The following TXK variants were observed in gnomAD, a reference collection of about 807,000 sequenced individuals.
TXK encodes the protein TXK tyrosine kinase.
TXK carries 60 observed loss-of-function variants against 81.0 expected under a neutral mutation model. That is an observed-to-expected ratio of 0.74 (90% confidence interval 0.60 to 0.92). TXK has a LOEUF of 0.92. Among genes scored for constraint, TXK ranks in the 40% least tolerant of loss-of-function variants. TXK has a pLI of 0.00. For missense variants in TXK, 581 were observed against 638.3 expected (o/e 0.91, Z 0.97); for synonymous variants, 203 against 210.7 (o/e 0.96, Z 0.32).
chr4:48,094,077 C>CGGCT lies in TXK; in HGVS notation c.705_708dup (p.Gly237SerfsTer25). 6.2e-7 allele frequency: 1 copy of CGGCT among 1,613,258 alleles called. No individual in the cohort carries two copies. Among genetic ancestry groups the CGGCT allele is most frequent in the Non-Finnish European group, 8.5e-7 (1 of 1,180,024 alleles). On this transcript the variant is annotated frameshift_variant and splice_region_variant, in exon 8 of 15. Coordinates refer to ENST00000264316, the MANE Select transcript of TXK (RefSeq NM_003328.3). LOFTEE classifies it high-confidence loss of function. ...ACCCAGCTGGAAGTTCCCCTCTTAC[C>CGGCT]GGCTGCATTGTGCTGGTGATACCAG...
At chr4:48,094,299 A>C in intron 7 of TXK, 95 bp from the exon 8 acceptor site, 76 of 1,391,622 alleles carry the variant, frequency 5.5e-5, no homozygotes, top group Non-Finnish European at 6.8e-5. Context: ...TCTAAAACTC[A>C]TCCTAGCAAC....
intron 6 of TXK, among the ~76,000 whole-genome samples, chr4:48,100,235 G>A (rs997230659): frequency 1.5e-5 from 2 of 135,132 alleles, no homozygotes; most frequent in African/African-American, 5.5e-5. Context: ...AGAAACATGA[G>A]AATTTTAATA....
At chr4:48,080,683 C>CACACAT (rs1253896766) in intron 10 of TXK, among the ~76,000 whole-genome samples, 1 of 151,686 alleles carries the variant, frequency 6.6e-6, no homozygotes, top group Non-Finnish European at 1.5e-5. Context: ...CACACACACA[C>CACACAT]ACACACACAC....
intron 1 of TXK, among the ~76,000 whole-genome samples, chr4:48,121,398 C>A (rs2661534): frequency 6.6e-6 from 1 of 151,684 alleles, no homozygotes; most frequent in Admixed American, 6.6e-5. Context: ...ATCCTTGACT[C>A]CTCTCTCTCT....
intron 1 of TXK, among the ~76,000 whole-genome samples, chr4:48,133,596 T>C (rs894936215): frequency 2.0e-5 from 3 of 152,316 alleles, no homozygotes; most frequent in Middle Eastern, 3.4e-3. Flanking sequence ...GAAGTCTACA[T>C]AGAATTGTGA....
intron 1 of TXK, among the ~76,000 whole-genome samples, chr4:48,118,020 T>C (rs1718856542): frequency 6.6e-6 from 1 of 152,206 alleles, no homozygotes; most frequent in Admixed American, 6.5e-5. Flanking sequence ...TTCTAAGAAA[T>C]TCAACCACAT....
At chr4:48,071,731 T>C in intron 13 of TXK, 57 bp from the exon 14 acceptor site, 1 of 1,581,156 alleles carries the variant, frequency 6.3e-7, no homozygotes, top group Non-Finnish European at 8.6e-7. Context: ...GCTTGGGAAC[T>C]GAAAGAACAA....
chr4:48,118,832 C>G (rs1718878756), intron 1 of TXK, among the ~76,000 whole-genome samples: 1 of 152,088 alleles, frequency 6.6e-6, no homozygotes, highest in Non-Finnish European at 1.5e-5. Flanking sequence ...AATCCCATAC[C>G]CAACTCTGAA....
intron 6 of TXK, among the ~76,000 whole-genome samples, chr4:48,103,309 T>A (rs532399747): frequency 2.6e-5 from 4 of 152,318 alleles, no homozygotes; most frequent in African/African-American, 9.6e-5. Flanking sequence ...AAATTTTTTT[T>A]CTCCGTGTTG....
In TXK at chr4:48,071,575, T is replaced by TA; in HGVS notation, c.1456dup (p.Tyr486LeufsTer12). The TA allele has an allele frequency of 6.2e-7, 1 of 1,614,190 alleles. No homozygotes were observed. The highest frequency in any genetic ancestry group is 8.5e-7 in the Non-Finnish European group (1 of 1,180,022). On this transcript the variant is annotated frameshift_variant, in exon 14 of 15. Transcript: ENST00000264316. LOFTEE classifies it high-confidence loss of function. ...GGACATTGGTGCCAGGTGAGGGCGA[T>TA]ATAGCCTGAAGCCTTCAGAAATAGC...
intron 10 of TXK, among the ~76,000 whole-genome samples, chr4:48,082,686 AAAG>A (rs1232264920): frequency 5.3e-5 from 8 of 152,148 alleles, no homozygotes; most frequent in African/African-American, 1.9e-4. Context: ...TTGTGCCCCA[AAAG>A]TTGCTTTTTG....
intron 6 of TXK, among the ~76,000 whole-genome samples, chr4:48,100,299 A>G (rs2109446083): frequency 6.6e-6 from 1 of 152,292 alleles, no homozygotes; most frequent in South Asian, 2.1e-4. Flanking sequence ...AAATAATGCC[A>G]CATGTCACAA....
intron 6 of TXK, among the ~76,000 whole-genome samples, chr4:48,099,474 C>T (rs1718105120): frequency 6.6e-6 from 1 of 152,120 alleles, no homozygotes; most frequent in African/African-American, 2.4e-5. Flanking sequence ...GATCCCCAAA[C>T]CTCATTGATT....
At chr4:48,068,790 G>A (rs1409207307) in intron 14 of TXK, among the ~76,000 whole-genome samples, 4 of 152,140 alleles carry the variant, frequency 2.6e-5, no homozygotes, top group Non-Finnish European at 4.4e-5. Flanking sequence ...TGACAGTAGG[G>A]TCAGCGGAAA....
At chr4:48,094,011 C>T in intron 8 of TXK, 66 bp downstream of exon 8, 2 of 1,601,674 alleles carry the variant, frequency 1.2e-6, no homozygotes, top group South Asian at 2.2e-5. Flanking sequence ...GTGCCTGATA[C>T]CAAAGATGCA....
chr4:48,095,925 T>C (rs1717961690), intron 6 of TXK, among the ~76,000 whole-genome samples: 1 of 152,250 alleles, frequency 6.6e-6, no homozygotes, highest in African/African-American at 2.4e-5. Flanking sequence ...TTGTTTGATA[T>C]TGTAAAATGA....
In TXK at chr4:48,112,294, G is replaced by T; in HGVS notation, c.380+13C>A. On this transcript the variant is annotated intron_variant, in intron 4 of 14. Coordinates refer to ENST00000264316, the MANE Select transcript of TXK (RefSeq NM_003328.3). ...AAGAATTGGATACTGACTAAGTCAT[G>T]TAAGTGTCTTACCCCAAACGGTCTC... 2 of 1,612,072 alleles carry T rather than the reference G, an allele frequency of 1.2e-6. No individual in the cohort carries two copies. Among genetic ancestry groups the T allele is most frequent in the South Asian group, 2.2e-5 (2 of 91,014 alleles).
chr4:48,080,145 T>TA lies in TXK; in HGVS notation c.957-18dup, dbSNP rs1717241677. The stretch of plus-strand genomic sequence containing the variant: ...GATAATTTCCTGGTGAAGAAAAACA[T>TA]ACACCAGTGAGCAGAATTGTGTTTG... On this transcript the variant is annotated splice_polypyrimidine_tract_variant and intron_variant, in intron 10 of 14. Coordinates refer to ENST00000264316, the MANE Select transcript of TXK (RefSeq NM_003328.3). 3 of 1,582,558 alleles carry TA rather than the reference T, an allele frequency of 1.9e-6. No homozygotes were observed. The highest frequency in any genetic ancestry group is 2.6e-6 in the Non-Finnish European group (3 of 1,151,416).
In TXK at chr4:48,094,317, T is replaced by G. The variant is rs557300246; in HGVS notation, c.582-113A>C. On this transcript the variant is annotated intron_variant, in intron 7 of 14. Coordinates refer to ENST00000264316, the MANE Select transcript of TXK (RefSeq NM_003328.3). ...AAAACTCATCCTAGCAACACTACAC[T>G]GAGAAGTAGATTGGCTAAATTCAAC... 365 of 1,194,410 alleles carry G rather than the reference T, an allele frequency of 3.1e-4. 3 individuals are homozygous for G. The highest frequency in any genetic ancestry group is 2.3e-3 in the South Asian group (160 of 70,986). 74.0% of individuals were successfully genotyped at this position (1,194,410 alleles called of 1,614,324 possible).
Sources: allele counts gnomAD v4.1 joint callset (sites outside exome capture counted in the v4.1 genomes callset), GRCh38; gene constraint gnomAD v4.1.1; transcripts MANE v1.5; gene names NCBI Gene and HGNC (gene_info 2026-07-23, HGNC 2026-07-21).